ENTREP2: variants seen among roughly 807,000 people sequenced by gnomAD.
ENTREP2 encodes protein ENTREP2.
At chr15:29,338,103 G>A in the ENTREP2 span, among the ~76,000 whole-genome samples, 1 of 152,074 alleles carries the variant, frequency 6.6e-6, no homozygotes, top group Non-Finnish European at 1.5e-5. Context: ...AGTGCCTGCA[G>A]ACAGGAGACT....
At chr15:29,474,079 T>A in the ENTREP2 span, among the ~76,000 whole-genome samples, 1 of 152,158 alleles carries the variant, frequency 6.6e-6, no homozygotes, top group Admixed American at 6.5e-5. Flanking sequence ...CCCTACCCTA[T>A]GACCTAGTTA....
the ENTREP2 span, among the ~76,000 whole-genome samples, chr15:29,397,070 G>A: frequency 0.69 from 105,296 of 152,072 alleles, 37,115 homozygotes; most frequent in Admixed American, 0.78. Flanking sequence ...AAAACTCACA[G>A]AAAGGCAACT....
chr15:29,463,884 A>T, the ENTREP2 span, among the ~76,000 whole-genome samples: 1 of 152,188 alleles, frequency 6.6e-6, no homozygotes, highest in East Asian at 1.9e-4. Context: ...TACAAAAAGG[A>T]GGGAAATATT....
At chr15:29,465,537 TA>T in the ENTREP2 span, among the ~76,000 whole-genome samples, 1 of 152,070 alleles carries the variant, frequency 6.6e-6, no homozygotes, top group African/African-American at 2.4e-5. Flanking sequence ...TACCCTACAG[TA>T]AAAGAGTAAC....
At chr15:29,665,636 A>C in the ENTREP2 span, among the ~76,000 whole-genome samples, 1 of 152,140 alleles carries the variant, frequency 6.6e-6, no homozygotes, top group Non-Finnish European at 1.5e-5. Flanking sequence ...TTCTTCCTGA[A>C]CAGCATGCCA....
the ENTREP2 span, among the ~76,000 whole-genome samples, chr15:29,388,695 C>T: frequency 6.6e-6 from 1 of 152,050 alleles, no homozygotes; most frequent in Admixed American, 6.5e-5. Context: ...TTCACAATAG[C>T]AAAGACTTGG....
chr15:29,177,588 C>T, the ENTREP2 span, among the ~76,000 whole-genome samples: 7 of 152,266 alleles, frequency 4.6e-5, no homozygotes, highest in South Asian at 4.1e-4. Flanking sequence ...AAGATAGACG[C>T]GGGGTCTGCA....
the ENTREP2 span, among the ~76,000 whole-genome samples, chr15:29,223,984 G>A: frequency 6.6e-6 from 1 of 152,322 alleles, no homozygotes; most frequent in East Asian, 1.9e-4. Flanking sequence ...TCTGTACTCA[G>A]AAGTGTGTCC....
At chr15:29,160,047 C>G in the ENTREP2 span, among the ~76,000 whole-genome samples, 1 of 152,360 alleles carries the variant, frequency 6.6e-6, no homozygotes, top group East Asian at 1.9e-4. Context: ...TGGTAGGCTG[C>G]AGGTCCTGAG....
the ENTREP2 span, among the ~76,000 whole-genome samples, chr15:29,132,951 G>A: frequency 1.3e-5 from 2 of 152,288 alleles, no homozygotes; most frequent in Non-Finnish European, 2.9e-5. Flanking sequence ...ACTGAGCAGA[G>A]GCGGTGAAGG....
chr15:29,170,285 G>A, the ENTREP2 span, among the ~76,000 whole-genome samples: 3 of 141,674 alleles, frequency 2.1e-5, no homozygotes, highest in East Asian at 6.2e-4. Context: ...TCCAGCCTGG[G>A]TGACAGAGCG....
At chr15:29,390,482 C>A in the ENTREP2 span, among the ~76,000 whole-genome samples, 1 of 152,168 alleles carries the variant, frequency 6.6e-6, no homozygotes, top group African/African-American at 2.4e-5. Context: ...GGAGGCCGAA[C>A]CTTGCGAGCA....
At chr15:29,133,471 C>T in the ENTREP2 span, among the ~76,000 whole-genome samples, 78 of 152,294 alleles carry the variant, frequency 5.1e-4, no homozygotes, top group Admixed American at 9.8e-4. Flanking sequence ...CCCCTGCGCA[C>T]GTGCCGTCCA....
chr15:29,124,865 G>C, the ENTREP2 span: 1 of 1,021,914 alleles, frequency 9.8e-7, no homozygotes, highest in South Asian at 1.4e-5. Flanking sequence ...TGGCGAGCAA[G>C]CAGGAGAAGC....
the ENTREP2 span, among the ~76,000 whole-genome samples, chr15:29,177,314 G>A: frequency 6.6e-6 from 1 of 152,150 alleles, no homozygotes; most frequent in Admixed American, 6.5e-5. Flanking sequence ...GAAGGACAGG[G>A]CTTCTATTTT....
chr15:29,557,337 T>C, the ENTREP2 span, among the ~76,000 whole-genome samples: 1 of 152,168 alleles, frequency 6.6e-6, no homozygotes, highest in Non-Finnish European at 1.5e-5. Context: ...GGTTTTAGTG[T>C]CTTCTCTCTG....
At chr15:29,519,626 T>C in the ENTREP2 span, among the ~76,000 whole-genome samples, 1 of 152,196 alleles carries the variant, frequency 6.6e-6, no homozygotes, top group South Asian at 2.1e-4. Flanking sequence ...TAATTGACCG[T>C]GTTTATTAGT....
chr15:29,357,057 T>C, the ENTREP2 span, among the ~76,000 whole-genome samples: 5 of 152,000 alleles, frequency 3.3e-5, no homozygotes, highest in African/African-American at 9.7e-5. Flanking sequence ...ATACAGAAAG[T>C]GTATTTACAA....
chr15:29,619,411 A>C, the ENTREP2 span, among the ~76,000 whole-genome samples: 1 of 151,992 alleles, frequency 6.6e-6, no homozygotes, highest in African/African-American at 2.4e-5. Context: ...ATAAATAAAT[A>C]AGTCACAACA....
Sources: allele counts gnomAD v4.1 joint callset (sites outside exome capture counted in the v4.1 genomes callset), GRCh38; gene constraint gnomAD v4.1.1; transcripts MANE v1.5; gene names NCBI Gene and HGNC (gene_info 2026-07-23, HGNC 2026-07-21).